The following KPNA1 variants were observed in gnomAD, a reference collection of about 807,000 sequenced individuals.
KPNA1 encodes karyopherin subunit alpha 1.
KPNA1 carries 10 observed loss-of-function variants against 70.5 expected under a neutral mutation model. The ratio of observed to expected loss-of-function variants is 0.14; its 90% CI spans 0.09 to 0.24. KPNA1 has a LOEUF of 0.24. Ranked by LOEUF, KPNA1 falls within the 10% of genes least tolerant of loss-of-function variation. The pLI is 1.00. For synonymous variants in KPNA1, 192 were observed against 221.9 expected (o/e 0.87, Z 1.20); for missense variants, 397 against 637.9 (o/e 0.62, Z 4.07).
At chr3:122,440,908 A>AG (rs2076054011) in intron 10 of KPNA1, among the ~76,000 whole-genome samples, 1 of 152,262 alleles carries the variant, frequency 6.6e-6, no homozygotes, top group African/African-American at 2.4e-5. Context: ...CCTTGTGTAC[A>AG]GAATATATTT....
chr3:122,436,642 G>A (rs566463799), intron 11 of KPNA1, among the ~76,000 whole-genome samples: 4 of 152,072 alleles, frequency 2.6e-5, no homozygotes, highest in South Asian at 2.1e-4. Flanking sequence ...AAATATTAAC[G>A]GCAACAGAAA....
chr3:122,470,165 T>G (rs989240983), intron 2 of KPNA1, among the ~76,000 whole-genome samples: 1 of 152,174 alleles, frequency 6.6e-6, no homozygotes, highest in Non-Finnish European at 1.5e-5. Context: ...AACAATGCAT[T>G]TGATTATGTA....
chr3:122,441,663 C>T (rs979041254), intron 10 of KPNA1, among the ~76,000 whole-genome samples: 29 of 151,674 alleles, frequency 1.9e-4, no homozygotes, highest in African/African-American at 6.1e-4. Context: ...TGCAGTGGTG[C>T]GATCTCGGCT....
chr3:122,472,444 T>C (rs1472479912), intron 2 of KPNA1, among the ~76,000 whole-genome samples: 4 of 152,032 alleles, frequency 2.6e-5, no homozygotes, highest in Non-Finnish European at 2.9e-5. Context: ...AAAGCAGTGC[T>C]TAGAGGGAAA....
chr3:122,452,452 T>G (rs1192089458), intron 6 of KPNA1, among the ~76,000 whole-genome samples: 2 of 143,646 alleles, frequency 1.4e-5, no homozygotes, highest in Non-Finnish European at 3.0e-5. Context: ...AAGGTTGCAG[T>G]GAGCCGAGAT....
At chr3:122,504,705 G>A (rs894047373) in intron 1 of KPNA1, among the ~76,000 whole-genome samples, 4 of 152,196 alleles carry the variant, frequency 2.6e-5, no homozygotes, top group Non-Finnish European at 1.5e-5. Context: ...CCCAAGAGGG[G>A]ACAACCAATC....
At chr3:122,442,334 A>C (rs1261242545) in intron 9 of KPNA1, among the ~76,000 whole-genome samples, 1 of 152,122 alleles carries the variant, frequency 6.6e-6, no homozygotes, top group Non-Finnish European at 1.5e-5. Flanking sequence ...AAAAACTACC[A>C]ATCTTTCCTA....
At chr3:122,455,605 G>T (rs1163155332) in intron 5 of KPNA1, among the ~76,000 whole-genome samples, 1 of 151,970 alleles carries the variant, frequency 6.6e-6, no homozygotes, top group African/African-American at 2.4e-5. Context: ...GCCCAGGCTG[G>T]AGTGCAATGT....
At chr3:122,471,577 C>T (rs7630833) in intron 2 of KPNA1, among the ~76,000 whole-genome samples, 18,495 of 151,782 alleles carry the variant, frequency 0.12, 1,321 homozygotes, top group East Asian at 0.33. Flanking sequence ...CGTGGTGACT[C>T]ATGCCTGTAA....
At chr3:122,457,902 A>G (rs1353248497) in intron 5 of KPNA1, 1 of 1,277,128 alleles carries the variant, frequency 7.8e-7, no homozygotes, top group Non-Finnish European at 1.0e-6. Flanking sequence ...CCCAGATAGC[A>G]AACTCTGCAG....
chr3:122,488,927 A>G (rs1311869186), intron 2 of KPNA1, among the ~76,000 whole-genome samples: 1 of 152,074 alleles, frequency 6.6e-6, no homozygotes, highest in Non-Finnish European at 1.5e-5. Flanking sequence ...TTCATTATAA[A>G]AGGTTTTCGG....
rs902936661 is a variant in KPNA1, at chr3:122,425,085, A to G, written c.*1900T>C. ...TAGTTTTGCAGTGGCTGCGCCATCA[A>G]TAACAAACAGACATCAGACGGTATC... On this transcript the variant is annotated 3_prime_UTR_variant, in exon 14 of 14. Coordinates refer to ENST00000344337, the MANE Select transcript of KPNA1 (RefSeq NM_002264.4). 2.6e-5 allele frequency: 4 copies of G among 152,530 alleles called. No homozygotes were observed. The highest frequency in any genetic ancestry group is 1.9e-4 in the East Asian group (1 of 5,202). The allele number at this position is 152,530 out of a possible 1,614,324, so 9.4% of individuals were successfully genotyped here.
intron 1 of KPNA1, among the ~76,000 whole-genome samples, chr3:122,512,411 G>A (rs892657031): frequency 5.9e-5 from 9 of 152,166 alleles, no homozygotes; most frequent in Non-Finnish European, 1.3e-4. Context: ...AAACTTCTAC[G>A]AGAACCACTT....
At chr3:122,514,401 G>A (rs1384920464) in intron 1 of KPNA1, 1 of 131,100 alleles carries the variant, frequency 7.6e-6, no homozygotes, top group Non-Finnish European at 1.6e-5. Context: ...CCGCGGCGCA[G>A]GCTCCGCGCT....
chr3:122,434,743 A>G (rs1251280122), intron 11 of KPNA1, among the ~76,000 whole-genome samples: 1 of 152,224 alleles, frequency 6.6e-6, no homozygotes, highest in Non-Finnish European at 1.5e-5. Flanking sequence ...ACACTAAAGT[A>G]GCCTTCCCAA....
chr3:122,436,440 G>T (rs1017912265), intron 11 of KPNA1, among the ~76,000 whole-genome samples: 5 of 152,194 alleles, frequency 3.3e-5, no homozygotes, highest in African/African-American at 4.8e-5. Flanking sequence ...TGCTGGTTTT[G>T]CAGCTTGGGG....
At chr3:122,475,738 A>G (rs938821004) in intron 2 of KPNA1, among the ~76,000 whole-genome samples, 2 of 152,206 alleles carry the variant, frequency 1.3e-5, no homozygotes, top group African/African-American at 4.8e-5. Flanking sequence ...AATGACTTAA[A>G]CACTAAATTA....
chr3:122,442,057 CCT>C lies in KPNA1; in HGVS notation c.975_976del (p.Asp327Ter), dbSNP rs762753050. ...TCATACCTGTGTCTGAATATCATCCCCTGTGACAATGTTTCCCACAGCTCGCA... is the reference window on the plus strand; with the variant it reads ...TCATACCTGTGTCTGAATATCATCCCGTGACAATGTTTCCCACAGCTCGCA... On this transcript the variant is annotated frameshift_variant, in exon 10 of 14. Coordinates refer to ENST00000344337, the MANE Select transcript of KPNA1 (RefSeq NM_002264.4). LOFTEE classifies it high-confidence loss of function. The C allele has an allele frequency of 3.7e-6, 6 of 1,613,632 alleles. No individual in the cohort carries two copies. Among genetic ancestry groups the C allele is most frequent in the Admixed American group, 1.7e-5 (1 of 60,024 alleles).
chr3:122,497,195 T>C (rs2076773601), intron 1 of KPNA1, among the ~76,000 whole-genome samples: 1 of 152,224 alleles, frequency 6.6e-6, no homozygotes, highest in African/African-American at 2.4e-5. Context: ...ATATGCAGTA[T>C]TTTGTGACTG....
Sources: gnomAD v4.1 joint callset for allele counts (sites outside exome capture counted in the v4.1 genomes callset) on GRCh38, gnomAD v4.1.1 for gene constraint, MANE v1.5 for transcripts, NCBI Gene and HGNC (gene_info 2026-07-23, HGNC 2026-07-21) for gene names.